MED27: variants seen among roughly 807,000 people sequenced by gnomAD.
MED27 encodes the protein mediator complex subunit 27.
MED27 carries 30 observed loss-of-function variants against 38.2 expected under a neutral mutation model. The ratio of observed to expected loss-of-function variants is 0.79; its 90% CI spans 0.59 to 1.07. The LOEUF (loss-of-function observed/expected upper bound fraction) is 1.07. MED27 is among the 50% of genes least tolerant of loss of function. The probability of loss-of-function intolerance (pLI) is 0.00; values close to 1 mark genes in which losing one functional copy is unlikely to be tolerated. For missense variants in MED27, 289 were observed against 397.5 expected, an observed-to-expected ratio of 0.73 and a Z score of 2.32; for synonymous variants, 122 against 153.5, an observed-to-expected ratio of 0.79 and a Z score of 1.52.
intron 4 of MED27, among the ~76,000 whole-genome samples, chr9:131,931,289 A>G (rs1354025509): frequency 1.3e-5 from 2 of 152,072 alleles, no homozygotes; most frequent in African/African-American, 4.8e-5. Flanking sequence ...AATAAATAAA[A>G]CAACAGATTA....
intron 4 of MED27, among the ~76,000 whole-genome samples, chr9:131,931,112 G>A (rs900338678): frequency 6.6e-6 from 1 of 152,100 alleles, no homozygotes. Context: ...GGGTGTGGTG[G>A]TGCGGATCTG....
chr9:131,951,541 C>G (rs28582095), intron 3 of MED27, among the ~76,000 whole-genome samples: 1 of 152,220 alleles, frequency 6.6e-6, no homozygotes, highest in African/African-American at 2.4e-5. Context: ...CCTAGATGCT[C>G]AAGTTCTCAC....
chr9:131,872,785 T>C lies in MED27; in HGVS notation c.724-9645A>G, dbSNP rs1838860386. Among the ~76,000 whole-genome samples the C allele has an allele frequency of 6.6e-6, 1 of 152,222 alleles. No homozygotes were observed. The highest frequency in any genetic ancestry group is 6.5e-5 in the Admixed American group (1 of 15,280). ...TGTGCACACTGTGCCCTGAAGTTCC[T>C]GCCCCAATCCAGGAACCCACCTGCT... On this transcript the variant is annotated intron_variant, in intron 6 of 7. Coordinates refer to ENST00000292035, the MANE Select transcript of MED27 (RefSeq NM_004269.4). This position sits in a 1 kb window ranked among gnomAD's most constrained non-coding sequence, Gnocchi z 5.6.
intron 2 of MED27, chr9:132,032,304 T>C (rs564220554): frequency 6.6e-6 from 1 of 152,374 alleles, no homozygotes; most frequent in South Asian, 2.1e-4. Flanking sequence ...AGGTTCTTAT[T>C]TGGTGTTTAC....
intron 2 of MED27, chr9:132,073,534 C>T (rs1247776824): frequency 1.2e-5 from 16 of 1,345,546 alleles, no homozygotes; most frequent in Non-Finnish European, 1.5e-5. Flanking sequence ...AAAGGCTCTG[C>T]GTTGCAATGT....
rs1182828263 is a variant in MED27, at chr9:131,883,395, G to A, written c.723+663C>T. On this transcript the variant is annotated intron_variant, in intron 6 of 7. Coordinates refer to ENST00000292035, the MANE Select transcript of MED27 (RefSeq NM_004269.4). This position sits in a 1 kb window ranked among gnomAD's most constrained non-coding sequence, Gnocchi z 4.2. The stretch of plus-strand genomic sequence containing the variant: ...CAGCCACAGGGCCTGAGTTAGTCCA[G>A]GGAAGGGGCCCTGCACTGTCAGGAG... Among the ~76,000 whole-genome samples, 1 of 152,220 alleles carries A rather than the reference G, an allele frequency of 6.6e-6. No individual in the cohort carries two copies. The highest frequency in any genetic ancestry group is 1.5e-5 in the Non-Finnish European group (1 of 68,034).
chr9:132,021,672 CA>C (rs1832719306), intron 2 of MED27, among the ~76,000 whole-genome samples: 1 of 152,132 alleles, frequency 6.6e-6, no homozygotes, highest in Non-Finnish European at 1.5e-5. Context: ...TTTGTCTCCC[CA>C]AAATTCTTCT....
chr9:132,043,933 G>A (rs923870724), intron 2 of MED27, among the ~76,000 whole-genome samples: 5 of 152,188 alleles, frequency 3.3e-5, no homozygotes, highest in Non-Finnish European at 5.9e-5. Flanking sequence ...CTGACAAACC[G>A]TGAAGGGAAA....
intron 4 of MED27, among the ~76,000 whole-genome samples, chr9:131,915,186 G>A (rs958246340): frequency 6.6e-6 from 1 of 152,170 alleles, no homozygotes; most frequent in African/African-American, 2.4e-5. Context: ...AATGTTTTGG[G>A]GAGATGAGGA....
chr9:131,973,856 C>A (rs890640229), intron 3 of MED27, among the ~76,000 whole-genome samples: 1 of 151,566 alleles, frequency 6.6e-6, no homozygotes, highest in Non-Finnish European at 1.5e-5. Context: ...TATAGGTGGC[C>A]GCCACCACGC....
rs1453603227 is a variant in MED27 at position 132,045,453 on chromosome 9, CAG to C, written c.349-30988_349-30987del. 9.2e-3 allele frequency among the ~76,000 whole-genome samples: 1,302 copies of C among 141,976 alleles called. 28 individuals are homozygous for C. Among genetic ancestry groups the C allele is most frequent in the African/African-American group, 0.031 (1,203 of 38,826 alleles). 93.1% of individuals were successfully genotyped at this position (141,976 alleles called of 152,430 possible). ...ACACACACACACACACACACACACA[CAG>C]ACACACACCTTTTACATGCATAATA... On this transcript the variant is annotated intron_variant, in intron 2 of 7. Transcript: ENST00000292035.
rs1290493147 is a variant in MED27, at chr9:131,997,369, G to A, written c.479+16968C>T. On this transcript the variant is annotated intron_variant, in intron 3 of 7. Transcript: ENST00000292035. The surrounding 1 kb of genome is among the most constrained non-coding windows in gnomAD (Gnocchi z 4.0). ...ATCGGCATGTTCAGGGTCAGCCTCT[G>A]CTGCAGACAGCTATCTCACCGAGGT... is the stretch of plus-strand genomic sequence containing the variant. Among the ~76,000 whole-genome samples, 4 of 152,214 alleles carry A rather than the reference G, an allele frequency of 2.6e-5. No homozygotes were observed. Among genetic ancestry groups the A allele is most frequent in the Non-Finnish European group, 2.9e-5 (2 of 68,040 alleles).
intron 3 of MED27, among the ~76,000 whole-genome samples, chr9:131,966,758 A>C (rs1390046832): frequency 6.6e-6 from 1 of 152,186 alleles, no homozygotes; most frequent in Admixed American, 6.5e-5. Flanking sequence ...TGAGCTAGCT[A>C]TGTGACCCTA....
chr9:131,951,281 T>C (rs938038834), intron 3 of MED27, among the ~76,000 whole-genome samples: 1 of 152,212 alleles, frequency 6.6e-6, no homozygotes, highest in African/African-American at 2.4e-5. Flanking sequence ...CTGTCCTTCA[T>C]AGTACACATC....
chr9:131,907,096 G>C (rs1830078671), intron 4 of MED27, among the ~76,000 whole-genome samples: 1 of 152,092 alleles, frequency 6.6e-6, no homozygotes, highest in Non-Finnish European at 1.5e-5. Flanking sequence ...GGTGGGTTTT[G>C]GCTGGCTTCT....
chr9:131,950,284 T>C lies in MED27; in HGVS notation c.480-10810A>G, dbSNP rs560226332. 4.6e-5 allele frequency among the ~76,000 whole-genome samples: 7 copies of C among 152,348 alleles called. 1 individual carries two copies. The South Asian group carries it at 1.4e-3, about 32-fold the overall frequency. Reference sequence around the variant, plus strand: ...CTTGGAGCTCAGATAGATGGTGAACTGAGATGCAACAATTCACATGGAGTT... The same window carrying C: ...CTTGGAGCTCAGATAGATGGTGAACCGAGATGCAACAATTCACATGGAGTT... On this transcript the variant is annotated intron_variant, in intron 3 of 7. Coordinates refer to ENST00000292035, the MANE Select transcript of MED27 (RefSeq NM_004269.4).
At chr9:131,939,511 C>T (rs1300714249) in intron 3 of MED27, 37 bp from the exon 4 acceptor site, 2 of 1,371,584 alleles carry the variant, frequency 1.5e-6, no homozygotes, top group African/African-American at 2.9e-5. Context: ...TGAACTACAA[C>T]TCCAGTTAAG....
intron 6 of MED27, among the ~76,000 whole-genome samples, chr9:131,868,006 A>G (rs147797157): frequency 1.3e-5 from 2 of 152,342 alleles, no homozygotes; most frequent in East Asian, 3.9e-4. Flanking sequence ...ACAAAGAAAT[A>G]CAAATCAGAA....
intron 6 of MED27, among the ~76,000 whole-genome samples, chr9:131,881,820 T>TTTTTTTTTTTTTTTTTC: frequency 7.0e-6 from 1 of 143,534 alleles, no homozygotes; most frequent in African/African-American, 2.6e-5. Flanking sequence ...TTTTTTTTTT[T>TTTTTTTTTTTTTTTTTC]TTTTGATGTA....
Sources: gnomAD v4.1 joint callset for allele counts (sites outside exome capture counted in the v4.1 genomes callset) on GRCh38, gnomAD v4.1.1 for gene constraint, Gnocchi (gnomAD v3.1) non-coding constraint, MANE v1.5 for transcripts, NCBI Gene and HGNC (gene_info 2026-07-23, HGNC 2026-07-21) for gene names.